ACSS2: variants seen among roughly 807,000 people sequenced by gnomAD.
ACSS2 encodes the protein acetyl-coenzyme A synthetase, cytoplasmic.
Under a neutral mutation model 90.6 loss-of-function variants are expected in ACSS2, and 58 were observed. The ratio of observed to expected loss-of-function variants is 0.64; its 90% CI spans 0.52 to 0.80. The LOEUF (loss-of-function observed/expected upper bound fraction) is 0.80. Ranked by LOEUF, ACSS2 falls within the 30% of genes least tolerant of loss-of-function variation. The pLI, the probability that ACSS2 is intolerant of heterozygous loss-of-function variation, is 0.00. For synonymous variants in ACSS2, 300 were observed against 330.9 expected (o/e 0.91, Z 1.01); for missense variants, 759 against 912.0 (o/e 0.83, Z 2.16).
At position 34,920,672 on chromosome 20, in the gene ACSS2, C is replaced by T. The variant is rs1185754934; in HGVS notation, c.1106C>T (p.Thr369Ile). 6.2e-7 allele frequency: 1 copy of T among 1,613,872 alleles called. No individual in the cohort carries two copies. The highest frequency in any genetic ancestry group is 8.5e-7 in the Non-Finnish European group (1 of 1,179,862). ...TGGATCACTGGTCATTCCTACGTCACCTATGGGCCACTGGCCAATGGTGCC... is the reference window on the plus strand; with the variant it reads ...TGGATCACTGGTCATTCCTACGTCATCTATGGGCCACTGGCCAATGGTGCC... The part of the protein sequence containing the change: ...IGWITGHSYV[T>I]YGPLANGATS... The change falls in exon 9 of 18, where the codon ACC (threonine) becomes ATC (isoleucine). Residue 369 changes from threonine (T) to isoleucine (I), a missense_variant. By Grantham distance (89) the Thr-to-Ile change is moderately conservative (BLOSUM62 -1). Coordinates refer to ENST00000360596, the MANE Select transcript of ACSS2 (RefSeq NM_018677.4).
intron 2 of ACSS2, among the ~76,000 whole-genome samples, chr20:34,895,067 A>G (rs2080430568): frequency 6.6e-6 from 1 of 152,190 alleles, no homozygotes; most frequent in Non-Finnish European, 1.5e-5. Flanking sequence ...AGTACCATTG[A>G]AAAATTATTT....
At chr20:34,883,737 T>C (rs75239536) in intron 2 of ACSS2, among the ~76,000 whole-genome samples, 4 of 152,188 alleles carry the variant, frequency 2.6e-5, no homozygotes, top group Non-Finnish European at 5.9e-5. Flanking sequence ...AATTCAAGTC[T>C]GCCTGACTCC....
intron 4 of ACSS2, 103 bp downstream of exon 4, chr20:34,913,599 C>A: frequency 7.7e-7 from 1 of 1,298,084 alleles, no homozygotes; most frequent in Non-Finnish European, 1.1e-6. Context: ...AACTAAGGAG[C>A]TTAGAAGGTT....
At position 34,927,146 on chromosome 20, in the gene ACSS2, A is replaced by T; in HGVS notation, c.2038A>T (p.Met680Leu). 3 of 1,614,156 alleles carry T rather than the reference A, an allele frequency of 1.9e-6. No individual in the cohort carries two copies. Among genetic ancestry groups the T allele is most frequent in the Non-Finnish European group, 2.5e-6 (3 of 1,180,026 alleles). ...IAQNDHDLGDMSTVADPSVIS... is the reference protein window; with the variant it reads ...IAQNDHDLGDLSTVADPSVIS... ...TCAGAATGACCATGACCTCGGGGACATGTCTACTGTGGCTGACCCATCTGT... is the reference window on the plus strand; with the variant it reads ...TCAGAATGACCATGACCTCGGGGACTTGTCTACTGTGGCTGACCCATCTGT... Residue 680 changes from methionine to leucine, a missense_variant, in exon 18 of 18, where the codon ATG becomes TTG. Met to Leu is a conservative substitution (Grantham distance 15). Transcript: ENST00000360596. The surrounding 1 kb of genome is among the most constrained non-coding windows in gnomAD (Gnocchi z 4.2).
intron 2 of ACSS2, among the ~76,000 whole-genome samples, chr20:34,902,814 C>T (rs2080699036): frequency 6.6e-6 from 1 of 151,900 alleles, no homozygotes; most frequent in South Asian, 2.1e-4. Context: ...TAATCTCCAC[C>T]TCCTGGGCTC....
rs766831610 is a variant in ACSS2, at chr20:34,913,397, TC to T, written c.472del (p.Gln158ArgfsTer12). 6.2e-6 allele frequency: 10 copies of T among 1,613,684 alleles called. No homozygotes were observed. In the African/African-American group the frequency reaches 1.1e-4, roughly 17 times the overall value. On this transcript the variant is annotated frameshift_variant, in exon 4 of 18. Transcript: ENST00000360596. LOFTEE classifies it high-confidence loss of function. ...FSNVLRKQGIQKGDRVAIYMP... is the reference protein window; with the variant it reads ...FSNVLRKQGIXKGDRVAIYMP... ...ATTCTGTGCTTTTACCTGCAGGCAT[TC>T]AGAAGGGGGACCGAGTGGCCATCTA...
chr20:34,897,838 A>T (rs937308536), intron 2 of ACSS2, among the ~76,000 whole-genome samples: 1 of 151,596 alleles, frequency 6.6e-6, no homozygotes, highest in Non-Finnish European at 1.5e-5. Flanking sequence ...AAAAAAAAAA[A>T]GTTCATCCAT....
At chr20:34,875,516 C>T (rs546889792), upstream of ACSS2, among the ~76,000 whole-genome samples, 1 of 152,302 alleles carries the variant, frequency 6.6e-6, no homozygotes, top group Non-Finnish European at 1.5e-5. Context: ...TTGCAGTCAG[C>T]CGAGATTGTG....
At chr20:34,902,811 C>T (rs1414023653) in intron 2 of ACSS2, among the ~76,000 whole-genome samples, 2 of 151,794 alleles carry the variant, frequency 1.3e-5, no homozygotes, top group Admixed American at 6.6e-5. Context: ...CTGTAATCTC[C>T]ACCTCCTGGG....
At chr20:34,898,345 A>G (rs937843836) in intron 2 of ACSS2, among the ~76,000 whole-genome samples, 14 of 152,186 alleles carry the variant, frequency 9.2e-5, no homozygotes, top group Non-Finnish European at 1.5e-5. Flanking sequence ...GTGCGTTTAC[A>G]ATCCCTGAGC....
rs779930349 is a variant in ACSS2, at chr20:34,927,227, C to A, written c.*13C>A. 2.6e-5 allele frequency: 42 copies of A among 1,612,652 alleles called. No individual in the cohort carries two copies. The South Asian group carries it at 3.7e-4, about 14-fold the overall frequency. On this transcript the variant is annotated 3_prime_UTR_variant, in exon 18 of 18. Coordinates refer to ENST00000360596, the MANE Select transcript of ACSS2 (RefSeq NM_018677.4). This position sits in a 1 kb window ranked among gnomAD's most constrained non-coding sequence, Gnocchi z 4.2. ...GACCATCCAGTGAACATGATCCTGA[C>A]CTTTACCTAGGATTCCTCCTGCTCC...
chr20:34,877,996 CG>C (rs1312127389), intron 1 of ACSS2, among the ~76,000 whole-genome samples: 2 of 152,062 alleles, frequency 1.3e-5, no homozygotes, highest in Non-Finnish European at 2.9e-5. Flanking sequence ...TGCAGTGGCC[CG>C]TTCTAGGCTC....
At chr20:34,920,247 T>C (rs556072040) in intron 8 of ACSS2, among the ~76,000 whole-genome samples, 63 of 152,350 alleles carry the variant, frequency 4.1e-4, no homozygotes, top group African/African-American at 1.4e-3. Flanking sequence ...GGGACTATTA[T>C]GAGTGTGCTA....
At chr20:34,922,167 G>A (rs922183160) in intron 13 of ACSS2, 8 of 391,022 alleles carry the variant, frequency 2.0e-5, no homozygotes, top group Admixed American at 1.4e-4. Context: ...ACAGAAAGGA[G>A]GCTTTATAAC....
rs937843836 is a variant in ACSS2 at position 34,898,345 on chromosome 20, A to C, written c.375-14751A>C. On this transcript the variant is annotated intron_variant, in intron 2 of 17. Coordinates refer to ENST00000360596, the MANE Select transcript of ACSS2 (RefSeq NM_018677.4). ...ACAGGGTGCCGATTGGTGCGTTTAC[A>C]ATCCCTGAGCTAGACACAAAGGTTC... Among the ~76,000 whole-genome samples the C allele has an allele frequency of 7.2e-5, 11 of 152,186 alleles. No homozygotes were observed. In the East Asian group the frequency reaches 2.1e-3, roughly 29 times the overall value.
intron 2 of ACSS2, among the ~76,000 whole-genome samples, chr20:34,902,287 A>G (rs566324960): frequency 6.6e-6 from 1 of 152,296 alleles, no homozygotes; most frequent in East Asian, 1.9e-4. Context: ...AATAATAATA[A>G]GTAAACAAGT....
At chr20:34,913,914 C>A in intron 5 of ACSS2, 89 bp downstream of exon 5, 1 of 1,438,670 alleles carries the variant, frequency 7.0e-7, no homozygotes, top group Non-Finnish European at 9.8e-7. Flanking sequence ...GGCTACTCAG[C>A]ATAGAGGGTA....
intron 2 of ACSS2, among the ~76,000 whole-genome samples, chr20:34,890,215 G>T (rs1463288683): frequency 6.6e-6 from 1 of 152,164 alleles, no homozygotes; most frequent in Non-Finnish European, 1.5e-5. Context: ...AAGAGTCAAG[G>T]ATTCTCCTAG....
intron 2 of ACSS2, among the ~76,000 whole-genome samples, chr20:34,888,067 CAA>C (rs34578238): frequency 1.1e-4 from 7 of 62,510 alleles, no homozygotes; most frequent in Non-Finnish European, 1.7e-4. Context: ...AAGACTCCAT[CAA>C]AAAAAAAAAA....
Sources: gnomAD v4.1 joint callset for allele counts (sites outside exome capture counted in the v4.1 genomes callset) on GRCh38, gnomAD v4.1.1 for gene constraint, Gnocchi (gnomAD v3.1) non-coding constraint, MANE v1.5 for transcripts, NCBI Gene and HGNC (gene_info 2026-07-23, HGNC 2026-07-21) for gene names.